Variants in NUS1 observed in about 807,000 individuals in gnomAD.
The protein encoded by NUS1 is NUS1 dehydrodolichyl diphosphate synthase subunit.
For missense variants in NUS1, 292 were observed against 382.9 expected (o/e 0.76, Z 1.98); for synonymous variants, 135 against 155.2 (o/e 0.87, Z 0.97).
rs780246176 is a variant in NUS1 at position 117,693,120 on chromosome 6, C to T, written c.494C>T (p.Ser165Leu). 1.9e-6 allele frequency: 3 copies of T among 1,612,390 alleles called. No individual in the cohort carries two copies. Among genetic ancestry groups the T allele is most frequent in the Non-Finnish European group, 2.5e-6 (3 of 1,178,884 alleles). The change falls in exon 2 of 5, where the codon TCA becomes TTA. Residue 165 changes from serine to leucine, a missense_variant. Physicochemically the swap from Ser to Leu is moderately radical, Grantham distance 145. Transcript: ENST00000368494. ...CAAGAACTTCTGGGCCTAGATTGTT[C>T]AAAATACTCACCAGAATTTGCAAAT... ...QQQELLGLDC[S>L]KYSPEFANSN...
chr6:117,676,866 C>A (rs1772991488), intron 1 of NUS1, among the ~76,000 whole-genome samples: 1 of 152,156 alleles, frequency 6.6e-6, no homozygotes, highest in Non-Finnish European at 1.5e-5. Flanking sequence ...AGGACTTAGG[C>A]ATGGGCTGTG....
At chr6:117,699,349 G>A (rs1239685493) in intron 3 of NUS1, among the ~76,000 whole-genome samples, 4 of 152,070 alleles carry the variant, frequency 2.6e-5, no homozygotes, top group Non-Finnish European at 5.9e-5. Context: ...TATGTCAATA[G>A]TGAACAATCT....
At chr6:117,688,320 TAA>T (rs1773168449) in intron 1 of NUS1, among the ~76,000 whole-genome samples, 1 of 152,158 alleles carries the variant, frequency 6.6e-6, no homozygotes, top group Admixed American at 6.5e-5. Flanking sequence ...AACATTGCTG[TAA>T]AAGAGTATAT....
At position 117,707,106 on chromosome 6, in the gene NUS1, C is replaced by T. The variant is rs1177788015; in HGVS notation, c.*91C>T. 8.5e-6 allele frequency: 9 copies of T among 1,061,898 alleles called. No homozygotes were observed. The highest frequency in any genetic ancestry group is 2.3e-4 in the Middle Eastern group (1 of 4,306). The allele number at this position is 1,061,898 out of a possible 1,614,324, so 65.8% of individuals were successfully genotyped here. On this transcript the variant is annotated 3_prime_UTR_variant, in exon 5 of 5. Coordinates refer to ENST00000368494, the MANE Select transcript of NUS1 (RefSeq NM_138459.5). The stretch of plus-strand genomic sequence containing the variant: ...TACAAAGCACCTATGAAACCCTGTA[C>T]ACACCTAGTTCATAATCCTCATAAT...
chr6:117,695,193 CAAAAAAAAAAAAAAAA>C (rs58136219), intron 3 of NUS1, among the ~76,000 whole-genome samples: 2 of 55,230 alleles, frequency 3.6e-5, no homozygotes, highest in Non-Finnish European at 5.8e-5. Context: ...GACCCTGTCT[CAAAAAAAAAAAAAAAA>C]AAAAAAAAAA....
chr6:117,699,129 T>C (rs1432460027), intron 3 of NUS1, among the ~76,000 whole-genome samples: 2 of 152,142 alleles, frequency 1.3e-5, no homozygotes, highest in Non-Finnish European at 2.9e-5. Flanking sequence ...TTATTTAGCA[T>C]AGCACTGGCG....
intron 1 of NUS1, among the ~76,000 whole-genome samples, chr6:117,685,304 A>C (rs1274379084): frequency 6.6e-6 from 1 of 151,228 alleles, no homozygotes; most frequent in African/African-American, 2.4e-5. Flanking sequence ...ATATGTGTGC[A>C]GTTTCCTTAC....
At position 117,710,706 on chromosome 6, in the gene NUS1, G is replaced by T. The variant is rs1256879196; in HGVS notation, c.*3691G>T. 6.6e-6 allele frequency: 1 copy of T among 152,114 alleles called. No homozygotes were observed. Among genetic ancestry groups the T allele is most frequent in the Admixed American group, 6.5e-5 (1 of 15,272 alleles). 9.4% of individuals were successfully genotyped at this position (152,114 alleles called of 1,614,324 possible). Reference sequence around the variant, plus strand: ...CTGGATATAAATTACAATAGCACATGAAAATAAAATGTTTTAAAAAATTAT... The same window carrying T: ...CTGGATATAAATTACAATAGCACATTAAAATAAAATGTTTTAAAAAATTAT... On this transcript the variant is annotated 3_prime_UTR_variant, in exon 5 of 5. Coordinates refer to ENST00000368494, the MANE Select transcript of NUS1 (RefSeq NM_138459.5).
intron 1 of NUS1, among the ~76,000 whole-genome samples, chr6:117,690,725 C>G (rs1369375313): frequency 6.6e-6 from 1 of 152,106 alleles, no homozygotes; most frequent in Non-Finnish European, 1.5e-5. Flanking sequence ...GGTGTGGTGG[C>G]TCACACCTGT....
intron 1 of NUS1, among the ~76,000 whole-genome samples, chr6:117,688,762 A>G (rs977153369): frequency 1.3e-5 from 2 of 152,166 alleles, no homozygotes; most frequent in Non-Finnish European, 2.9e-5. Context: ...TTAGGAACCA[A>G]ATGATCCTGT....
chr6:117,704,161 AGGAAT>A (rs1773468666), intron 4 of NUS1, among the ~76,000 whole-genome samples: 1 of 152,166 alleles, frequency 6.6e-6, no homozygotes. Context: ...ATGCCAGCAT[AGGAAT>A]GTGTGTAGTG....
At chr6:117,703,408 T>G (rs111335421) in intron 3 of NUS1, among the ~76,000 whole-genome samples, 197 bp from the exon 4 acceptor site, 102 of 152,284 alleles carry the variant, frequency 6.7e-4, no homozygotes, top group Non-Finnish European at 9.6e-4. Flanking sequence ...ACATTTGGAA[T>G]GAGCATAGAT....
intron 3 of NUS1, among the ~76,000 whole-genome samples, chr6:117,695,988 A>G (rs1773313784): frequency 6.6e-6 from 1 of 152,060 alleles, no homozygotes; most frequent in South Asian, 2.1e-4. Context: ...TTTTTGAATA[A>G]TGCTGTATGA....
chr6:117,681,154 T>C (rs1217858146), intron 1 of NUS1, among the ~76,000 whole-genome samples: 1 of 152,222 alleles, frequency 6.6e-6, no homozygotes, highest in East Asian at 1.9e-4. Flanking sequence ...TATTTTTGCC[T>C]TTCTTGACTA....
intron 1 of NUS1, 39 bp downstream of exon 1, chr6:117,676,124 C>T (rs1772976400): frequency 6.5e-7 from 1 of 1,549,612 alleles, no homozygotes; most frequent in Non-Finnish European, 8.7e-7. Flanking sequence ...GCCGAGGCGT[C>T]TTGGACCGCT....
In NUS1 at chr6:117,706,968, T is replaced by G. The variant is rs754054794; in HGVS notation, c.835T>G (p.Ser279Ala). The G allele has an allele frequency of 6.2e-7, 1 of 1,613,066 alleles. No homozygotes were observed. The highest frequency in any genetic ancestry group is 1.1e-5 in the South Asian group (1 of 91,056). The change falls in exon 5 of 5, where the codon TCT becomes GCT. Residue 279 changes from serine (S) to alanine (A), a missense_variant. Transcript: ENST00000368494. ...AAACATCAGTTATGAGGACTTTTTC[T>G]CTGCCCTTCGTCAATATGCAGCCTG... ...HLNISYEDFF[S>A]ALRQYAACEQ... is the part of the protein sequence containing the mutation.
At chr6:117,683,420 T>C (rs1427074704) in intron 1 of NUS1, among the ~76,000 whole-genome samples, 1 of 152,232 alleles carries the variant, frequency 6.6e-6, no homozygotes, top group Non-Finnish European at 1.5e-5. Flanking sequence ...TAGATTTTTT[T>C]CATTTTAAAT....
intron 1 of NUS1, among the ~76,000 whole-genome samples, chr6:117,684,691 A>G (rs760987583): frequency 3.9e-5 from 6 of 152,296 alleles, no homozygotes; most frequent in Admixed American, 6.5e-5. Context: ...TCCATATGAT[A>G]CTCTACTTTC....
chr6:117,708,183 A>G lies in NUS1; in HGVS notation c.*1168A>G, dbSNP rs1386346480. On this transcript the variant is annotated 3_prime_UTR_variant, in exon 5 of 5. Transcript: ENST00000368494. ...CTCTGTGGGGGAATAAAATATTACC[A>G]AAGTCTATAAAAATAAATTTTACAT... The G allele has an allele frequency of 6.5e-6, 1 of 152,704 alleles. No individual in the cohort carries two copies. Among genetic ancestry groups the G allele is most frequent in the Non-Finnish European group, 1.5e-5 (1 of 68,052 alleles). The allele number at this position is 152,704 out of a possible 1,614,324, so 9.5% of individuals were successfully genotyped here.
Sources: gnomAD v4.1 joint callset for allele counts (sites outside exome capture counted in the v4.1 genomes callset) on GRCh38, gnomAD v4.1.1 for gene constraint, MANE v1.5 for transcripts, NCBI Gene and HGNC (gene_info 2026-07-23, HGNC 2026-07-21) for gene names.